The following PLEKHG4B variants were observed in gnomAD, a reference collection of about 807,000 sequenced individuals.
PLEKHG4B encodes pleckstrin homology domain-containing family G member 4B.
A neutral mutation model predicts 121.3 loss-of-function variants in PLEKHG4B; 111 were observed. The observed-to-expected ratio is 0.92, with a 90% CI of 0.78 to 1.07. The LOEUF (loss-of-function observed/expected upper bound fraction) is 1.07. PLEKHG4B is among the 50% of genes least tolerant of loss of function. The pLI is 0.00. For missense variants in PLEKHG4B, 1,831 were observed against 1,757.8 expected, an observed-to-expected ratio of 1.04 and a Z score of -0.74; for synonymous variants, 738 against 725.0, an observed-to-expected ratio of 1.02 and a Z score of -0.29.
chr5:146,445 G>T (rs1483599289), intron 6 of PLEKHG4B, among the ~76,000 whole-genome samples: 3 of 139,442 alleles, frequency 2.2e-5, no homozygotes, highest in Non-Finnish European at 4.6e-5. Context: ...CCCTAACCCT[G>T]CAGCCATCTC....
rs767995799 is a variant in PLEKHG4B, at chr5:172,930, C to T, written c.4084C>T (p.Arg1362Trp). ...NLKEQGQLRC[R>W]DEFIVCCGRK... is the part of the protein sequence containing the mutation. ...GAAGGAACAGGGGCAGCTGAGATGC[C>T]GGGATGAGTTTATCGTTTGCTGCGG... is the stretch of plus-strand genomic sequence containing the variant. Residue 1362 changes from arginine (R) to tryptophan (W), a missense_variant, in exon 17 of 20, where the codon CGG (arginine) becomes TGG (tryptophan). Physicochemically the swap from Arg to Trp is moderately radical, Grantham distance 101. Coordinates refer to ENST00000637938, the MANE Select transcript of PLEKHG4B (RefSeq NM_052909.5). The T allele has an allele frequency of 1.4e-5, 23 of 1,614,040 alleles. No homozygotes were observed. In the East Asian group the frequency reaches 3.3e-4, roughly 23 times the overall value.
rs1282208328 is a variant in PLEKHG4B, at chr5:137,809, G to C, written c.244-1674G>C. ...GGCAATAGGATCGGGGACGGACTCTGGGGGCCAGGCTCGGGGAGGCCCTTA... is the reference window on the plus strand; with the variant it reads ...GGCAATAGGATCGGGGACGGACTCTCGGGGCCAGGCTCGGGGAGGCCCTTA... On this transcript the variant is annotated intron_variant, in intron 2 of 19. Coordinates refer to ENST00000637938, the MANE Select transcript of PLEKHG4B (RefSeq NM_052909.5). The surrounding 1 kb of genome is among the most constrained non-coding windows in gnomAD (Gnocchi z 4.2). 6.6e-6 allele frequency among the ~76,000 whole-genome samples: 1 copy of C among 152,236 alleles called. No homozygotes were observed. The highest frequency in any genetic ancestry group is 2.4e-5 in the African/African-American group (1 of 41,450).
Position 156,993 on chromosome 5 carries a change from T to G in PLEKHG4B, c.2487+82T>G. 6.5e-7 allele frequency: 1 copy of G among 1,536,892 alleles called. No homozygotes were observed. The highest frequency in any genetic ancestry group is 1.4e-5 in the African/African-American group (1 of 73,226). On this transcript the variant is annotated intron_variant, in intron 11 of 19. Transcript: ENST00000637938. The surrounding 1 kb of genome is among the most constrained non-coding windows in gnomAD (Gnocchi z 4.4). ...CAAGGCAACCCTCTCACCTTCACAC[T>G]GTGTCTTTAGGGCCTTGATCTGATT...
intron 2 of PLEKHG4B, among the ~76,000 whole-genome samples, chr5:125,678 G>T (rs1470409066): frequency 2.0e-5 from 3 of 152,128 alleles, no homozygotes; most frequent in Non-Finnish European, 1.5e-5. Context: ...TTCATAATTT[G>T]CATATATTTA....
chr5:110,545 C>T (rs992788221), intron 1 of PLEKHG4B, among the ~76,000 whole-genome samples: 14 of 150,336 alleles, frequency 9.3e-5, no homozygotes, highest in Non-Finnish European at 1.9e-4. Context: ...CTGCAACACA[C>T]GTGCACACAC....
At chr5:114,452 A>G (rs1003027567) in intron 2 of PLEKHG4B, among the ~76,000 whole-genome samples, 2 of 151,930 alleles carry the variant, frequency 1.3e-5, no homozygotes, top group African/African-American at 4.8e-5. Context: ...CAGATTCCAT[A>G]TTTTGGTGTT....
intron 13 of PLEKHG4B, among the ~76,000 whole-genome samples, chr5:168,014 C>A (rs991256871): frequency 6.6e-6 from 1 of 152,188 alleles, no homozygotes; most frequent in Non-Finnish European, 1.5e-5. Flanking sequence ...ACCACACTGG[C>A]CAGCCCACCT....
intron 5 of PLEKHG4B, among the ~76,000 whole-genome samples, chr5:143,762 T>C (rs921068390): frequency 6.6e-6 from 1 of 152,180 alleles, no homozygotes; most frequent in Non-Finnish European, 1.5e-5. Context: ...GCACACTCAC[T>C]CTTTGGACCA....
At chr5:154,722 G>A in intron 7 of PLEKHG4B, among the ~76,000 whole-genome samples, 153 bp from the exon 8 acceptor site, 1 of 145,368 alleles carries the variant, frequency 6.9e-6, no homozygotes, top group Non-Finnish European at 1.5e-5. Context: ...ACTGCACCCA[G>A]ACCCGTGCTA....
Position 121,242 on chromosome 5 carries a change from G to A in PLEKHG4B, c.243+7794G>A, listed in dbSNP as rs555930537. Among the ~76,000 whole-genome samples, 23 of 148,908 alleles carry A rather than the reference G, an allele frequency of 1.5e-4. No homozygotes were observed. In the South Asian group the frequency reaches 3.4e-3, roughly 22 times the overall value. Reference sequence around the variant, plus strand: ...AGCCTGGGTGACAGAGTGAGACTCCGTCTAAAAAAAAAAAGAAAAAGAAAA... The same window carrying A: ...AGCCTGGGTGACAGAGTGAGACTCCATCTAAAAAAAAAAAGAAAAAGAAAA... On this transcript the variant is annotated intron_variant, in intron 2 of 19. Coordinates refer to ENST00000637938, the MANE Select transcript of PLEKHG4B (RefSeq NM_052909.5).
Position 143,074 on chromosome 5 carries a change from G to GCACAGACGGCGGCAGCCTC in PLEKHG4B, c.1508_1526dup (p.Cys510ArgfsTer88). 1.9e-6 allele frequency: 3 copies of GCACAGACGGCGGCAGCCTC among 1,613,258 alleles called. No individual in the cohort carries two copies. Among genetic ancestry groups the GCACAGACGGCGGCAGCCTC allele is most frequent in the Non-Finnish European group, 2.5e-6 (3 of 1,179,990 alleles). ...GTTCTTGCATCCTCAGCCTGTGTCA[G>GCACAGACGGCGGCAGCCTC]CACAGACGGCGGCAGCCTCCATTGC... is the stretch of plus-strand genomic sequence containing the variant. On this transcript the variant is annotated frameshift_variant, in exon 4 of 20. Coordinates refer to ENST00000637938, the MANE Select transcript of PLEKHG4B (RefSeq NM_052909.5). LOFTEE classifies it high-confidence loss of function.
At position 108,733 on chromosome 5, in the gene PLEKHG4B, GGGTGTAGACAGACTGGGTGCAGATGGCT is replaced by G. The variant is rs1289463792; in HGVS notation, c.46-4476_46-4449del. 6.9e-3 allele frequency among the ~76,000 whole-genome samples: 814 copies of G among 117,272 alleles called. 9 individuals carry two copies. The highest frequency in any genetic ancestry group is 0.022 in the African/African-American group (651 of 29,610). The allele number at this position is 117,272 out of a possible 152,430, so 76.9% of individuals were successfully genotyped here. Reference sequence around the variant, plus strand: ...GTAGACAGACTGGGTGCAGATGGCTGGGTGTAGACAGACTGGGTGCAGATGGCTGGTGTAGACAGACTGGGTGCAGATG... The same window carrying G: ...GTAGACAGACTGGGTGCAGATGGCTGGGTGTAGACAGACTGGGTGCAGATG... On this transcript the variant is annotated intron_variant, in intron 1 of 19. Coordinates refer to ENST00000637938, the MANE Select transcript of PLEKHG4B (RefSeq NM_052909.5).
In PLEKHG4B at chr5:159,570, C is replaced by T. The variant is rs1465464570; in HGVS notation, c.2488-2213C>T. On this transcript the variant is annotated intron_variant, in intron 11 of 19. Coordinates refer to ENST00000637938, the MANE Select transcript of PLEKHG4B (RefSeq NM_052909.5). The surrounding 1 kb of genome is among the most constrained non-coding windows in gnomAD (Gnocchi z 5.5). ...TAACTCCATGGGCTTATTTTCTGAACAGTCCCCTCTCCATACTAATCATGA... is the reference window on the plus strand; with the variant it reads ...TAACTCCATGGGCTTATTTTCTGAATAGTCCCCTCTCCATACTAATCATGA... 1.3e-5 allele frequency among the ~76,000 whole-genome samples: 2 copies of T among 152,134 alleles called. No homozygotes were observed. Among genetic ancestry groups the T allele is most frequent in the Admixed American group, 6.5e-5 (1 of 15,282 alleles).
chr5:114,414 A>G (rs540752916), intron 2 of PLEKHG4B, among the ~76,000 whole-genome samples: 3 of 152,306 alleles, frequency 2.0e-5, no homozygotes, highest in South Asian at 2.1e-4. Flanking sequence ...TGTCATTTCA[A>G]CAGTGTTCAC....
In PLEKHG4B at chr5:97,555, G is replaced by T. The variant is rs529103516; in HGVS notation, c.45+5279G>T. On this transcript the variant is annotated intron_variant, in intron 1 of 19. Transcript: ENST00000637938. ...ATCAACGGAATCGCACAATATATAGGGTTGTGTGTCTGGTTTCTTTCACTT... is the reference window on the plus strand; with the variant it reads ...ATCAACGGAATCGCACAATATATAGTGTTGTGTGTCTGGTTTCTTTCACTT... Among the ~76,000 whole-genome samples the T allele has an allele frequency of 2.0e-5, 3 of 152,286 alleles. No homozygotes were observed. The South Asian group carries it at 6.2e-4, about 32-fold the overall frequency.
intron 1 of PLEKHG4B, among the ~76,000 whole-genome samples, chr5:98,241 G>C (rs1733684995): frequency 6.6e-6 from 1 of 151,820 alleles, no homozygotes; most frequent in African/African-American, 2.4e-5. Context: ...TGTGGTGTGG[G>C]GTAGGGGTCT....
Position 140,238 on chromosome 5 carries a change from G to T in PLEKHG4B, c.999G>T (p.Pro333=). ...ALTFHTDLGI[P]SSRRRPPGDP... The stretch of plus-strand genomic sequence containing the variant: ...CCTTCCACACAGACCTGGGCATCCC[G>T]AGCAGCAGGAGGCGGCCGCCGGGGG... Residue 333 remains proline, a synonymous_variant, in exon 3 of 20, where the codon CCG becomes CCT. Transcript: ENST00000637938. 7.0e-7 allele frequency: 1 copy of T among 1,436,470 alleles called. No individual in the cohort carries two copies. Among genetic ancestry groups the T allele is most frequent in the Non-Finnish European group, 9.2e-7 (1 of 1,086,606 alleles). 89.0% of individuals were successfully genotyped at this position (1,436,470 alleles called of 1,614,324 possible). A position where few individuals can be genotyped will look rare whatever the true frequency, so the allele number is the denominator to read the frequency against.
chr5:184,919 G>A lies in PLEKHG4B; in HGVS notation c.*2596G>A, dbSNP rs576875114. 7.2e-5 allele frequency: 11 copies of A among 152,246 alleles called. No homozygotes were observed. Among genetic ancestry groups the A allele is most frequent in the Admixed American group, 5.2e-4 (8 of 15,294 alleles). 9.4% of individuals were successfully genotyped at this position (152,246 alleles called of 1,614,324 possible). A position where few individuals can be genotyped will look rare whatever the true frequency, so the allele number is the denominator to read the frequency against. On this transcript the variant is annotated 3_prime_UTR_variant, in exon 20 of 20. Transcript: ENST00000637938. ...TAAACAAAAGTATTAACGTATCTGC[G>A]GTTTGTACTATACGCACAGGTAAAC...
intron 18 of PLEKHG4B, among the ~76,000 whole-genome samples, chr5:174,641 G>A (rs1736695602): frequency 6.6e-6 from 1 of 152,156 alleles, no homozygotes; most frequent in Non-Finnish European, 1.5e-5. Flanking sequence ...GCACGGTCTG[G>A]GGAAACAACA....
Sources: allele counts gnomAD v4.1 joint callset (sites outside exome capture counted in the v4.1 genomes callset), GRCh38; gene constraint gnomAD v4.1.1; non-coding constraint Gnocchi (gnomAD v3.1); transcripts MANE v1.5; gene names NCBI Gene and HGNC (gene_info 2026-07-23, HGNC 2026-07-21).